The following PPP2CA variants were observed in gnomAD, a reference collection of about 807,000 sequenced individuals.
PPP2CA encodes protein phosphatase 2 catalytic subunit alpha.
PPP2CA carries 5 observed loss-of-function variants against 38.8 expected under a neutral mutation model. That is an observed-to-expected ratio of 0.13 (90% CI 0.07 to 0.27). The LOEUF is 0.27. PPP2CA is among the 10% of genes least tolerant of loss of function. The pLI is 1.00. For synonymous variants in PPP2CA, 152 were observed against 134.0 expected, an observed-to-expected ratio of 1.13 and a Z score of -0.93; for missense variants, 88 against 389.7, an observed-to-expected ratio of 0.23 and a Z score of 6.52.
At chr5:134,222,967 T>G (rs539823201) in intron 1 of PPP2CA, among the ~76,000 whole-genome samples, 7 of 152,232 alleles carry the variant, frequency 4.6e-5, no homozygotes, top group Non-Finnish European at 7.3e-5. Flanking sequence ...GTTCTGAACA[T>G]GTAACACTGT....
chr5:134,200,401 A>G lies in PPP2CA; in HGVS notation c.672T>C (p.Ile224=). The G allele has an allele frequency of 6.2e-7, 1 of 1,614,218 alleles. No individual in the cohort carries two copies. Among genetic ancestry groups the G allele is most frequent in the Non-Finnish European group, 8.5e-7 (1 of 1,180,024 alleles). ...CATTGGCATGATTAAATGTCTCAGA[A>G]ATATCTTGCCCAAAGGTGTAACCAG... ...RGAGYTFGQD[I]SETFNHANGL... Residue 224 remains isoleucine (I), a synonymous_variant, in exon 5 of 7, where the codon ATT becomes ATC. Coordinates refer to ENST00000481195, the MANE Select transcript of PPP2CA (RefSeq NM_002715.4).
At chr5:134,223,462 A>G (rs1762491059) in intron 1 of PPP2CA, among the ~76,000 whole-genome samples, 1 of 152,246 alleles carries the variant, frequency 6.6e-6, no homozygotes, top group Non-Finnish European at 1.5e-5. Context: ...CCAGTTATAA[A>G]CAGTATGAAG....
At chr5:134,219,153 C>T (rs943651536) in intron 1 of PPP2CA, among the ~76,000 whole-genome samples, 45 of 152,328 alleles carry the variant, frequency 3.0e-4, no homozygotes, top group African/African-American at 1.0e-3. Context: ...CATTCTAAAA[C>T]ATTCCCTATC....
At chr5:134,204,065 T>C (rs1762025119) in intron 2 of PPP2CA, among the ~76,000 whole-genome samples, 2 of 152,224 alleles carry the variant, frequency 1.3e-5, no homozygotes, top group African/African-American at 2.4e-5. Flanking sequence ...CTCCTTCATT[T>C]TACAGATGCA....
At chr5:134,211,947 A>C (rs1451185102) in intron 1 of PPP2CA, among the ~76,000 whole-genome samples, 1 of 151,954 alleles carries the variant, frequency 6.6e-6, no homozygotes, top group African/African-American at 2.4e-5. Flanking sequence ...GTGAAACCCC[A>C]TCTGTACTAA....
At chr5:134,205,830 C>G in intron 2 of PPP2CA, 92 bp downstream of exon 2, 1 of 1,128,790 alleles carries the variant, frequency 8.9e-7, no homozygotes. Context: ...TTTGTTTTAA[C>G]ATTCAGATAG....
At chr5:134,199,653 G>GTT (rs1761932741) in intron 5 of PPP2CA, among the ~76,000 whole-genome samples, 1 of 152,304 alleles carries the variant, frequency 6.6e-6, no homozygotes. Context: ...GTCAGTCACA[G>GTT]GTAAAGGCCT....
In PPP2CA at chr5:134,195,762, C is replaced by T. The variant is rs756440150; in HGVS notation, c.*2010G>A. The T allele has an allele frequency of 1.3e-5, 2 of 152,186 alleles. No homozygotes were observed. Among genetic ancestry groups the T allele is most frequent in the East Asian group, 3.8e-4 (2 of 5,202 alleles). The allele number at this position is 152,186 out of a possible 1,614,324, so 9.4% of individuals were successfully genotyped here. ...CCAGTTTAGATGGCCAAAGCCCGGTCAGTCTCTATAATTAAACAATTATTT... is the reference window on the plus strand; with the variant it reads ...CCAGTTTAGATGGCCAAAGCCCGGTTAGTCTCTATAATTAAACAATTATTT... On this transcript the variant is annotated 3_prime_UTR_variant, in exon 7 of 7. Transcript: ENST00000481195.
chr5:134,225,637 C>G (rs1283723591), intron 1 of PPP2CA, 123 bp downstream of exon 1: 8 of 755,592 alleles, frequency 1.1e-5, no homozygotes, highest in Non-Finnish European at 1.6e-5. Flanking sequence ...GGATGGGCGC[C>G]GGTCTCGGAG....
intron 2 of PPP2CA, among the ~76,000 whole-genome samples, chr5:134,204,960 G>A (rs1169971498): frequency 2.1e-5 from 3 of 144,362 alleles, no homozygotes; most frequent in Non-Finnish European, 4.5e-5. Flanking sequence ...TTTGAGACAG[G>A]GTCTCATTGT....
intron 2 of PPP2CA, among the ~76,000 whole-genome samples, chr5:134,203,123 T>C (rs571597419): frequency 6.6e-6 from 1 of 152,214 alleles, no homozygotes; most frequent in South Asian, 2.1e-4. Context: ...TGAATACAAG[T>C]ACTTTTTTTC....
intron 1 of PPP2CA, among the ~76,000 whole-genome samples, chr5:134,223,708 A>C (rs567614823): frequency 1.4e-3 from 211 of 152,288 alleles, no homozygotes; most frequent in African/African-American, 4.9e-3. Context: ...TATCTTCTAC[A>C]ACAGTTTCCA....
At chr5:134,217,095 C>T (rs1284921777) in intron 1 of PPP2CA, among the ~76,000 whole-genome samples, 1 of 152,080 alleles carries the variant, frequency 6.6e-6, no homozygotes, top group Non-Finnish European at 1.5e-5. Flanking sequence ...CCAGCCTGAC[C>T]AACACAGAGA....
chr5:134,197,491 T>G lies in PPP2CA; in HGVS notation c.*281A>C, dbSNP rs777913044. 1.1e-4 allele frequency: 48 copies of G among 419,994 alleles called. No homozygotes were observed. Among genetic ancestry groups the G allele is most frequent in the Non-Finnish European group, 1.7e-5 (4 of 229,130 alleles). 26.0% of individuals were successfully genotyped at this position (419,994 alleles called of 1,614,324 possible). A position where few individuals can be genotyped will look rare whatever the true frequency, so the allele number is the denominator to read the frequency against. On this transcript the variant is annotated 3_prime_UTR_variant, in exon 7 of 7. Transcript: ENST00000481195. Reference sequence around the variant, plus strand: ...TTTACATCTTATTATCTGCAGTCTCTCAGAGAAAGCAAAAGTAACTACAAA... The same window carrying G: ...TTTACATCTTATTATCTGCAGTCTCGCAGAGAAAGCAAAAGTAACTACAAA...
chr5:134,216,611 C>A (rs141509046), intron 1 of PPP2CA, among the ~76,000 whole-genome samples: 77 of 149,754 alleles, frequency 5.1e-4, no homozygotes, highest in Non-Finnish European at 1.0e-3. Flanking sequence ...AAGGTCTATA[C>A]TGAGGAAAAA....
At chr5:134,216,644 A>G (rs1224795544) in intron 1 of PPP2CA, among the ~76,000 whole-genome samples, 1 of 152,100 alleles carries the variant, frequency 6.6e-6, no homozygotes, top group Non-Finnish European at 1.5e-5. Flanking sequence ...ATCACAGATC[A>G]ATGATTTATA....
intron 2 of PPP2CA, 99 bp downstream of exon 2, chr5:134,205,823 G>A: frequency 9.6e-7 from 1 of 1,041,600 alleles, no homozygotes; most frequent in East Asian, 2.5e-5. Flanking sequence ...GTGGAATTTT[G>A]TTTTAACATT....
chr5:134,219,715 G>A (rs1166641801), intron 1 of PPP2CA, among the ~76,000 whole-genome samples: 1 of 152,124 alleles, frequency 6.6e-6, no homozygotes, highest in East Asian at 1.9e-4. Context: ...GCAATGTGAA[G>A]AAGTTAAGCA....
At chr5:134,219,365 A>G (rs576185218) in intron 1 of PPP2CA, among the ~76,000 whole-genome samples, 19 of 152,364 alleles carry the variant, frequency 1.2e-4, no homozygotes, top group African/African-American at 4.6e-4. Flanking sequence ...GATAGCATCA[A>G]TGACACTCCA....
Sources: gnomAD v4.1 joint callset for allele counts (sites outside exome capture counted in the v4.1 genomes callset) on GRCh38, gnomAD v4.1.1 for gene constraint, MANE v1.5 for transcripts, NCBI Gene and HGNC (gene_info 2026-07-23, HGNC 2026-07-21) for gene names.